GPD2: variants seen among roughly 807,000 people sequenced by gnomAD.
GPD2 encodes the protein glycerol-3-phosphate dehydrogenase, mitochondrial.
A neutral mutation model predicts 82.4 loss-of-function variants in GPD2; 54 were observed. The observed-to-expected ratio is 0.66, with a 90% CI of 0.53 to 0.82. The LOEUF is 0.82. Among genes scored for constraint, GPD2 ranks in the 40% least tolerant of loss-of-function variants. The pLI, the probability that GPD2 is intolerant of heterozygous loss-of-function variation, is 0.00. For missense variants in GPD2, 748 were observed against 896.2 expected, an observed-to-expected ratio of 0.83 and a Z score of 2.11; for synonymous variants, 288 against 306.1, an observed-to-expected ratio of 0.94 and a Z score of 0.62.
chr2:156,571,215 C>T lies in GPD2; in HGVS notation c.1690C>T (p.Gln564Ter). The T allele has an allele frequency of 6.2e-7, 1 of 1,611,362 alleles. No individual in the cohort carries two copies. The highest frequency in any genetic ancestry group is 8.5e-7 in the Non-Finnish European group (1 of 1,177,548). The change falls in exon 13 of 17, where the codon CAG (glutamine) becomes TAG (stop). Residue 564 changes from glutamine to a stop codon, truncating the protein, a stop_gained. Transcript: ENST00000438166. LOFTEE classifies it high-confidence loss of function. ...TACTCGCCTGGCCTTTCTAAATGTC[C>T]AGGCAGCAGAGGAAGCCCTACCCAG... ...RRTRLAFLNV[Q>*]AAEEALPRIV...
At chr2:156,409,525 C>T in the GPD2 span, among the ~76,000 whole-genome samples, 1 of 151,590 alleles carries the variant, frequency 6.6e-6, no homozygotes, top group African/African-American at 2.4e-5. Flanking sequence ...GGCAGACCCC[C>T]CAACTCCACA....
chr2:156,513,290 A>C lies in GPD2; in HGVS notation c.498-43A>C, dbSNP rs774499001. On this transcript the variant is annotated intron_variant, in intron 5 of 16. Coordinates refer to ENST00000438166, the MANE Select transcript of GPD2 (RefSeq NM_000408.5). The stretch of plus-strand genomic sequence containing the variant: ...GTGTAAGGTAATATTCTATAATGCT[A>C]TACTCTGTTTCTGAAGAACTTTCCC... 8.9e-6 allele frequency: 12 copies of C among 1,350,240 alleles called. No homozygotes were observed. In the South Asian group the frequency reaches 9.3e-5, roughly 10 times the overall value. 83.6% of individuals were successfully genotyped at this position (1,350,240 alleles called of 1,614,324 possible). A position where few individuals can be genotyped will look rare whatever the true frequency, so the allele number is the denominator to read the frequency against.
chr2:156,416,205 A>T, the GPD2 span, among the ~76,000 whole-genome samples: 2 of 151,880 alleles, frequency 1.3e-5, no homozygotes, highest in South Asian at 4.1e-4. Context: ...CCACAGTCTC[A>T]TTGGTTGACA....
intron 6 of GPD2, among the ~76,000 whole-genome samples, chr2:156,527,756 A>G (rs1685667888): frequency 1.3e-5 from 2 of 152,172 alleles, no homozygotes; most frequent in Admixed American, 1.3e-4. Context: ...GATGATTAAC[A>G]TGTAACTGAT....
intron 6 of GPD2, among the ~76,000 whole-genome samples, chr2:156,520,549 T>A (rs898370183): frequency 2.5e-4 from 36 of 144,614 alleles, no homozygotes; most frequent in Admixed American, 2.4e-3. Context: ...ATTTTTAAAA[T>A]TATTTTTATT....
intron 1 of GPD2, among the ~76,000 whole-genome samples, chr2:156,440,708 C>T (rs888311070): frequency 1.3e-5 from 2 of 152,146 alleles, no homozygotes; most frequent in African/African-American, 2.4e-5. Flanking sequence ...GGTCAAGCTT[C>T]GGTTCAATTA....
At chr2:156,579,530 C>T (rs902285729) in intron 15 of GPD2, among the ~76,000 whole-genome samples, 160 bp from the exon 16 acceptor site, 6 of 152,156 alleles carry the variant, frequency 3.9e-5, no homozygotes, top group African/African-American at 1.2e-4. Context: ...TGGGGTTTCT[C>T]CATGTTGGCC....
rs1017445876 is a variant in GPD2, at chr2:156,584,131, A to G, written c.*1213A>G. The G allele has an allele frequency of 2.0e-5, 3 of 152,132 alleles. No individual in the cohort carries two copies. The South Asian group carries it at 6.2e-4, about 31-fold the overall frequency. The allele number at this position is 152,132 out of a possible 1,614,324, so 9.4% of individuals were successfully genotyped here. On this transcript the variant is annotated 3_prime_UTR_variant, in exon 17 of 17. Transcript: ENST00000438166. ...CCAACCCCCATCCCGACACACACAC[A>G]GAGTCCAAAGCAAAAGTCAGTGTGT...
At chr2:156,406,400 C>A in the GPD2 span, among the ~76,000 whole-genome samples, 4 of 152,132 alleles carry the variant, frequency 2.6e-5, no homozygotes, top group Non-Finnish European at 5.9e-5. Flanking sequence ...AGTCAACAAG[C>A]CTGATTTCTC....
At chr2:156,560,459 A>G (rs975478055) in intron 9 of GPD2, among the ~76,000 whole-genome samples, 1 of 152,212 alleles carries the variant, frequency 6.6e-6, no homozygotes, top group African/African-American at 2.4e-5. Flanking sequence ...TGATCTGGGG[A>G]CATCTTGAGA....
chr2:156,497,128 T>G (rs1684414559), intron 3 of GPD2, among the ~76,000 whole-genome samples: 1 of 152,192 alleles, frequency 6.6e-6, no homozygotes, highest in African/African-American at 2.4e-5. Context: ...ATCTGGGTAC[T>G]TATCCTGGCT....
chr2:156,519,746 C>T (rs1039147172), intron 6 of GPD2, among the ~76,000 whole-genome samples: 4 of 152,186 alleles, frequency 2.6e-5, no homozygotes, highest in Admixed American at 1.3e-4. Flanking sequence ...ATTACCTGGC[C>T]GGGTGCTCAA....
At chr2:156,454,032 G>A (rs886323802) in intron 1 of GPD2, among the ~76,000 whole-genome samples, 2 of 152,208 alleles carry the variant, frequency 1.3e-5, no homozygotes, top group South Asian at 2.1e-4. Context: ...AAGTCTAATG[G>A]CATAAACTTC....
chr2:156,561,235 A>G (rs1174665420), intron 9 of GPD2, among the ~76,000 whole-genome samples: 4 of 151,594 alleles, frequency 2.6e-5, no homozygotes, highest in Non-Finnish European at 4.4e-5. Context: ...TTTAGTACAG[A>G]CTGTGTTTCA....
intron 2 of GPD2, among the ~76,000 whole-genome samples, chr2:156,487,162 C>T (rs1013936675): frequency 6.6e-6 from 1 of 151,980 alleles, no homozygotes; most frequent in Non-Finnish European, 1.5e-5. Context: ...AAAAATTAGC[C>T]AGGTGTGGTG....
At chr2:156,449,088 A>T (rs1682463743) in intron 1 of GPD2, among the ~76,000 whole-genome samples, 1 of 152,214 alleles carries the variant, frequency 6.6e-6, no homozygotes, top group African/African-American at 2.4e-5. Context: ...AAGTGATTAC[A>T]TTTAGGGTTC....
At chr2:156,509,784 T>TTTTTTTA (rs1553471067) in intron 3 of GPD2, among the ~76,000 whole-genome samples, 3,044 of 146,498 alleles carry the variant, frequency 0.021, 75 homozygotes, top group African/African-American at 0.056. Flanking sequence ...TTTTTTTTTT[T>TTTTTTTA]ATTTCCTGAG....
At chr2:156,495,115 CAGATG>C (rs1325367304) in intron 2 of GPD2, among the ~76,000 whole-genome samples, 3 of 152,116 alleles carry the variant, frequency 2.0e-5, no homozygotes, top group African/African-American at 7.2e-5. Context: ...AAGGCCGAGG[CAGATG>C]GATTGCTTGA....
At chr2:156,557,670 GTC>G in intron 9 of GPD2, 88 bp downstream of exon 9, 1 of 800,514 alleles carries the variant, frequency 1.2e-6, no homozygotes, top group Non-Finnish European at 2.2e-6. Flanking sequence ...TATGTCTCCA[GTC>G]TGACTCATCT....
Sources: gnomAD v4.1 joint callset for allele counts (sites outside exome capture counted in the v4.1 genomes callset) on GRCh38, gnomAD v4.1.1 for gene constraint, MANE v1.5 for transcripts, NCBI Gene and HGNC (gene_info 2026-07-23, HGNC 2026-07-21) for gene names.